The following CNTN4 variants were observed in gnomAD, a reference collection of about 807,000 sequenced individuals.
CNTN4 encodes contactin 4.
CNTN4 carries 77 observed loss-of-function variants against 122.5 expected under a neutral mutation model. The observed-to-expected ratio is 0.63, with a 90% confidence interval of 0.52 to 0.76. The LOEUF is 0.76. Ranked by LOEUF, CNTN4 falls within the 30% of genes least tolerant of loss-of-function variation. The pLI is 0.00. For missense variants in CNTN4, 1,256 were observed against 1,259.1 expected, an observed-to-expected ratio of 1.00 and a Z score of 0.04; for synonymous variants, 512 against 447.0, an observed-to-expected ratio of 1.15 and a Z score of -1.83.
intron 2 of CNTN4, among the ~76,000 whole-genome samples, chr3:2,190,827 CACACACAT>C (rs1165115184): frequency 2.2e-4 from 34 of 151,378 alleles, no homozygotes; most frequent in Admixed American, 1.8e-3. Flanking sequence ...CACACACACA[CACACACAT>C]ACACACACAC....
chr3:2,839,503 G>GA (rs1218374781), intron 7 of CNTN4, among the ~76,000 whole-genome samples: 1 of 151,998 alleles, frequency 6.6e-6, no homozygotes, highest in Non-Finnish European at 1.5e-5. Context: ...AAATATAGAG[G>GA]GGTTTATTGC....
rs897307328 is a variant in CNTN4 at position 2,170,190 on chromosome 3, G to GT, written c.-145+69551_-145+69552insT. Among the ~76,000 whole-genome samples, 33 of 116,652 alleles carry GT rather than the reference G, an allele frequency of 2.8e-4. 1 individual carries two copies. In the East Asian group the frequency reaches 6.0e-3, roughly 21 times the overall value. 76.5% of individuals were successfully genotyped at this position (116,652 alleles called of 152,430 possible). ...CAAAAAATTAGCCGGGCGTGGTGGC[G>GT]GCGCCTGTAGTCCCAGCTACTCGGG... On this transcript the variant is annotated intron_variant, in intron 2 of 24. Coordinates refer to ENST00000418658, the MANE Select transcript of CNTN4 (RefSeq NM_175607.3).
At chr3:2,925,839 TTAA>T in intron 13 of CNTN4, 60 bp downstream of exon 13, 3 of 1,449,370 alleles carry the variant, frequency 2.1e-6, no homozygotes. Context: ...TGGTCTGTTA[TTAA>T]TAATTCTAAG....
At chr3:2,728,983 A>G (rs1048289400) in intron 4 of CNTN4, among the ~76,000 whole-genome samples, 1 of 152,200 alleles carries the variant, frequency 6.6e-6, no homozygotes, top group East Asian at 1.9e-4. Flanking sequence ...GGGCTTAAAC[A>G]AGTTTCAGGT....
intron 3 of CNTN4, among the ~76,000 whole-genome samples, chr3:2,548,691 A>C (rs1378703167): frequency 6.6e-6 from 1 of 152,052 alleles, no homozygotes; most frequent in African/African-American, 2.4e-5. Flanking sequence ...AATTTGAAGT[A>C]GTTTTTTCTA....
In CNTN4 at chr3:2,946,217, G is replaced by C. The variant is rs867086188; in HGVS notation, c.1358+20438G>C. On this transcript the variant is annotated intron_variant, in intron 13 of 24. Transcript: ENST00000418658. ...CTGATTGTCAGAGGAAGTGGGGATG[G>C]GGAAGAGGTAAGGGGAGAAGGGAGG... Among the ~76,000 whole-genome samples the C allele has an allele frequency of 3.3e-5, 5 of 152,228 alleles. No homozygotes were observed. In the Middle Eastern group the frequency reaches 0.01, roughly 311 times the overall value.
chr3:2,981,220 A>G lies in CNTN4; in HGVS notation c.1359-7125A>G, dbSNP rs372330835. ...AGCACTTTGGCAGGCCGAGGCAGGCAGATCACGAGGTCAGGAGATCGAGAC... is the reference window on the plus strand; with the variant it reads ...AGCACTTTGGCAGGCCGAGGCAGGCGGATCACGAGGTCAGGAGATCGAGAC... On this transcript the variant is annotated intron_variant, in intron 13 of 24. Transcript: ENST00000418658. 1.7e-4 allele frequency among the ~76,000 whole-genome samples: 26 copies of G among 152,210 alleles called. No homozygotes were observed. The Middle Eastern group carries it at 0.017, about 100-fold the overall frequency.
At chr3:2,979,424 TGGTG>T (rs1387200447) in intron 13 of CNTN4, among the ~76,000 whole-genome samples, 12 of 152,190 alleles carry the variant, frequency 7.9e-5, no homozygotes, top group Admixed American at 7.8e-4. Flanking sequence ...TGGGGCTACT[TGGTG>T]ACAGTAGCAG....
chr3:2,331,935 T>C (rs1041935239), intron 2 of CNTN4, among the ~76,000 whole-genome samples: 2 of 152,144 alleles, frequency 1.3e-5, no homozygotes, highest in Admixed American at 6.5e-5. Flanking sequence ...CTGGGCTGTT[T>C]GTAAGGCGAT....
chr3:2,672,397 G>A (rs1158535349), intron 4 of CNTN4, among the ~76,000 whole-genome samples: 1 of 152,206 alleles, frequency 6.6e-6, no homozygotes, highest in Non-Finnish European at 1.5e-5. Context: ...CTCCATGGAT[G>A]TAGGACCCTC....
At chr3:2,169,781 T>C (rs948759208) in intron 2 of CNTN4, among the ~76,000 whole-genome samples, 10 of 152,188 alleles carry the variant, frequency 6.6e-5, no homozygotes, top group Admixed American at 3.9e-4. Context: ...TGTTTCTGTT[T>C]TAAGTTAAAG....
At chr3:2,568,591 C>G (rs902458562) in intron 3 of CNTN4, among the ~76,000 whole-genome samples, 12 of 152,252 alleles carry the variant, frequency 7.9e-5, no homozygotes, top group African/African-American at 2.9e-4. Flanking sequence ...CTTTCTGACT[C>G]TGACAGAAAA....
At chr3:2,928,021 A>C (rs971960220) in intron 13 of CNTN4, among the ~76,000 whole-genome samples, 1 of 152,116 alleles carries the variant, frequency 6.6e-6, no homozygotes, top group African/African-American at 2.4e-5. Flanking sequence ...GGTGTAGTAT[A>C]TAGGGGAATG....
chr3:2,797,336 C>G lies in CNTN4; in HGVS notation c.359-22150C>G, dbSNP rs561425302. ...AAGCTACACTGGGAATGGTGGCTTACGCCTGTAATCCCAACACTTTGGGAG... is the reference window on the plus strand; with the variant it reads ...AAGCTACACTGGGAATGGTGGCTTAGGCCTGTAATCCCAACACTTTGGGAG... On this transcript the variant is annotated intron_variant, in intron 6 of 24. Transcript: ENST00000418658. Among the ~76,000 whole-genome samples, 343 of 152,262 alleles carry G rather than the reference C, an allele frequency of 2.3e-3. 1 individual carries two copies. The highest frequency in any genetic ancestry group is 7.7e-3 in the African/African-American group (322 of 41,582).
chr3:2,790,882 A>G (rs1034956073), intron 6 of CNTN4, among the ~76,000 whole-genome samples: 2 of 152,242 alleles, frequency 1.3e-5, no homozygotes, highest in African/African-American at 4.8e-5. Flanking sequence ...AGCATCTGCC[A>G]TCACCATTTT....
chr3:2,906,130 A>G (rs2094228902), intron 12 of CNTN4, among the ~76,000 whole-genome samples: 1 of 152,184 alleles, frequency 6.6e-6, no homozygotes, highest in Non-Finnish European at 1.5e-5. Flanking sequence ...AGAATCTGAA[A>G]AAGTTTATCT....
chr3:2,187,977 C>A (rs1309057613), intron 2 of CNTN4, among the ~76,000 whole-genome samples: 2 of 151,830 alleles, frequency 1.3e-5, no homozygotes, highest in Non-Finnish European at 1.5e-5. Context: ...GAAAGCAAAT[C>A]AAGTGGGTTT....
Position 2,456,351 on chromosome 3 carries a change from C to T in CNTN4, c.-88-115065C>T, listed in dbSNP as rs73804587. Among the ~76,000 whole-genome samples, 609 of 152,168 alleles carry T rather than the reference C, an allele frequency of 4.0e-3. 6 individuals are homozygous for T. Among genetic ancestry groups the T allele is most frequent in the African/African-American group, 0.013 (557 of 41,538 alleles). On this transcript the variant is annotated intron_variant, in intron 3 of 24. Transcript: ENST00000418658. The stretch of plus-strand genomic sequence containing the variant: ...TATCTCAAATTGTATATATTTATTT[C>T]TATTGAGTTGAAATTCACATAACAT...
chr3:2,260,248 T>A (rs1313180740), intron 2 of CNTN4, among the ~76,000 whole-genome samples: 3 of 151,934 alleles, frequency 2.0e-5, no homozygotes, highest in Admixed American at 6.6e-5. Context: ...TGCAGGAGGG[T>A]GTCCTGCGCA....
Sources: allele counts gnomAD v4.1 joint callset (sites outside exome capture counted in the v4.1 genomes callset), GRCh38; gene constraint gnomAD v4.1.1; transcripts MANE v1.5; gene names NCBI Gene and HGNC (gene_info 2026-07-23, HGNC 2026-07-21).